The following HSPBAP1 variants were observed in gnomAD, a reference collection of about 807,000 sequenced individuals.
HSPBAP1 encodes HSPB1-associated protein 1.
In HSPBAP1, 27 loss-of-function variants were observed where a neutral mutation model predicts 45.2. That is an observed-to-expected ratio of 0.60 (90% CI 0.44 to 0.82). The LOEUF (loss-of-function observed/expected upper bound fraction) is 0.82. Ranked by LOEUF, HSPBAP1 falls within the 40% of genes least tolerant of loss-of-function variation. HSPBAP1 has a pLI of 0.00. For missense variants in HSPBAP1, 510 were observed against 590.9 expected (o/e 0.86, Z 1.42); for synonymous variants, 204 against 202.7 (o/e 1.01, Z -0.06).
chr3:122,759,244 C>T lies in HSPBAP1; in HGVS notation c.549G>A (p.Leu183=). 6.2e-7 allele frequency: 1 copy of T among 1,611,034 alleles called. No individual in the cohort carries two copies. Among genetic ancestry groups the T allele is most frequent in the Middle Eastern group, 1.7e-4 (1 of 6,006 alleles). The change falls in exon 4 of 8, where the codon TTG becomes TTA. Residue 183 remains leucine, a synonymous_variant. Transcript: ENST00000306103. The stretch of plus-strand genomic sequence containing the variant: ...ATTACCTTCCTTGTACCTGGAATAC[C>T]AAGTTACAACCATAGGAGTCCAGAT... ...PCHLDSYGCN[L]VFQVQGRKRW...
rs552414893 is a variant in HSPBAP1 at position 122,751,391 on chromosome 3, C to G, written c.825+1200G>C. ...TTAAGTAATTATCTATGTTAGACAG[C>G]TAACAAAGGTAACCTGTATCTTAAA... On this transcript the variant is annotated intron_variant, in intron 6 of 7. Coordinates refer to ENST00000306103, the MANE Select transcript of HSPBAP1 (RefSeq NM_024610.6). Among the ~76,000 whole-genome samples the G allele has an allele frequency of 1.1e-4, 16 of 152,194 alleles. 1 individual carries two copies. The East Asian group carries it at 2.9e-3, about 28-fold the overall frequency.
chr3:122,769,769 T>C (rs750181968), intron 2 of HSPBAP1, among the ~76,000 whole-genome samples: 6 of 152,230 alleles, frequency 3.9e-5, no homozygotes, highest in Non-Finnish European at 8.8e-5. Context: ...AACTTCTGCC[T>C]CCCGAGTTCA....
At chr3:122,783,537 T>A (rs1419289942) in intron 1 of HSPBAP1, among the ~76,000 whole-genome samples, 2 of 152,198 alleles carry the variant, frequency 1.3e-5, no homozygotes, top group Admixed American at 6.5e-5. Context: ...GGGAAAAGCA[T>A]ACAAACATGA....
intron 3 of HSPBAP1, among the ~76,000 whole-genome samples, chr3:122,763,303 AG>A (rs1474063733): frequency 6.6e-6 from 1 of 152,162 alleles, no homozygotes; most frequent in African/African-American, 2.4e-5. Context: ...CAGGTTAGGA[AG>A]GGACACTGGG....
intron 1 of HSPBAP1, among the ~76,000 whole-genome samples, chr3:122,783,390 C>T (rs1452727591): frequency 5.9e-5 from 9 of 152,142 alleles, no homozygotes; most frequent in South Asian, 2.1e-4. Context: ...CTGGATTCCG[C>T]GTGTATGAAA....
chr3:122,748,049 C>T (rs1019552685), intron 6 of HSPBAP1, among the ~76,000 whole-genome samples: 1 of 152,176 alleles, frequency 6.6e-6, no homozygotes, highest in East Asian at 1.9e-4. Flanking sequence ...AAAAATTCTT[C>T]GGCCTTGGGA....
chr3:122,754,584 C>G (rs12496372), intron 5 of HSPBAP1: 735,208 of 982,616 alleles, frequency 0.75, 277,360 homozygotes, highest in Non-Finnish European at 0.77. Flanking sequence ...CCAGTGAGAC[C>G]GGTACAATGG....
At position 122,793,720 on chromosome 3, in the gene HSPBAP1, G is replaced by C; in HGVS notation, c.-40C>G. On this transcript the variant is annotated 5_prime_UTR_variant, in exon 1 of 8. Transcript: ENST00000306103. ...GGGTTCTGCCGGAACCCAAGGCGGAGCGGAGCTGGGGTGGGGTCAGAGTAG... is the reference window on the plus strand; with the variant it reads ...GGGTTCTGCCGGAACCCAAGGCGGACCGGAGCTGGGGTGGGGTCAGAGTAG... The C allele has an allele frequency of 6.2e-7, 1 of 1,603,902 alleles. No homozygotes were observed. The highest frequency in any genetic ancestry group is 8.5e-7 in the Non-Finnish European group (1 of 1,171,756).
chr3:122,764,329 G>C (rs1444264162), intron 3 of HSPBAP1, among the ~76,000 whole-genome samples: 1 of 152,168 alleles, frequency 6.6e-6, no homozygotes, highest in African/African-American at 2.4e-5. Flanking sequence ...TAAACCCCTA[G>C]CTTCACCTTT....
chr3:122,782,387 A>G (rs1426111077), intron 1 of HSPBAP1, among the ~76,000 whole-genome samples: 3 of 152,314 alleles, frequency 2.0e-5, no homozygotes, highest in East Asian at 1.9e-4. Context: ...ACTGTAACTT[A>G]CTATTTAAAT....
intron 6 of HSPBAP1, 140 bp downstream of exon 6, chr3:122,752,451 T>C (rs1388788250): frequency 1.8e-6 from 1 of 571,286 alleles, no homozygotes; most frequent in African/African-American, 1.9e-5. Flanking sequence ...ATGCATACGT[T>C]ATAGTGCACT....
At chr3:122,756,668 A>T (rs72966384) in intron 4 of HSPBAP1, among the ~76,000 whole-genome samples, 14,410 of 151,420 alleles carry the variant, frequency 0.095, 931 homozygotes, top group African/African-American at 0.17. Flanking sequence ...ACTGCACTCC[A>T]GCCTGGGTGA....
At chr3:122,747,182 G>A (rs1040398630) in intron 6 of HSPBAP1, among the ~76,000 whole-genome samples, 12 of 151,246 alleles carry the variant, frequency 7.9e-5, no homozygotes, top group South Asian at 2.1e-4. Flanking sequence ...ATCTCTGCCC[G>A]GCCGCCATCC....
intron 3 of HSPBAP1, 72 bp from the exon 4 acceptor site, chr3:122,759,432 A>G: frequency 7.0e-7 from 1 of 1,430,174 alleles, no homozygotes; most frequent in Admixed American, 1.8e-5. Flanking sequence ...GCCCATTTTC[A>G]CTTGCACATC....
intron 2 of HSPBAP1, among the ~76,000 whole-genome samples, chr3:122,769,957 G>A (rs1934928660): frequency 6.6e-6 from 1 of 152,226 alleles, no homozygotes; most frequent in South Asian, 2.1e-4. Flanking sequence ...GGGATTACAG[G>A]TGTGGGCCAC....
At chr3:122,782,795 C>G (rs765007675) in intron 1 of HSPBAP1, among the ~76,000 whole-genome samples, 3 of 152,154 alleles carry the variant, frequency 2.0e-5, no homozygotes, top group African/African-American at 7.2e-5. Flanking sequence ...ACCTTCTTCT[C>G]TACGATAAAA....
At chr3:122,748,868 T>C (rs1934024551) in intron 6 of HSPBAP1, among the ~76,000 whole-genome samples, 1 of 152,144 alleles carries the variant, frequency 6.6e-6, no homozygotes, top group South Asian at 2.1e-4. Flanking sequence ...TAATGAACAG[T>C]AGAGCACCCA....
At chr3:122,780,169 G>A (rs1576270998) in intron 1 of HSPBAP1, among the ~76,000 whole-genome samples, 1 of 100,350 alleles carries the variant, frequency 1.0e-5, no homozygotes, top group African/African-American at 3.4e-5. Context: ...GGACGGGGCG[G>A]CTGGCCGGGC....
intron 6 of HSPBAP1, among the ~76,000 whole-genome samples, chr3:122,745,781 C>T (rs779461818): frequency 1.8e-4 from 28 of 152,044 alleles, no homozygotes; most frequent in Non-Finnish European, 3.4e-4. Flanking sequence ...TGAAAGTTCT[C>T]GACTTAATAA....
Sources: allele counts gnomAD v4.1 joint callset (sites outside exome capture counted in the v4.1 genomes callset), GRCh38; gene constraint gnomAD v4.1.1; transcripts MANE v1.5; gene names NCBI Gene and HGNC (gene_info 2026-07-23, HGNC 2026-07-21).